Variants in LARS2 observed in about 807,000 individuals in gnomAD.
LARS2 encodes leucyl-tRNA synthetase 2, mitochondrial.
In LARS2, 81 loss-of-function variants were observed where a neutral mutation model predicts 116.6. The observed-to-expected ratio is 0.69, with a 90% confidence interval of 0.58 to 0.84. The LOEUF (loss-of-function observed/expected upper bound fraction) is 0.84. LARS2 is among the 40% of genes least tolerant of loss of function. The pLI is 0.00. For synonymous variants in LARS2, 396 were observed against 407.2 expected, an observed-to-expected ratio of 0.97 and a Z score of 0.33; for missense variants, 968 against 1,114.5, an observed-to-expected ratio of 0.87 and a Z score of 1.87.
intron 20 of LARS2, among the ~76,000 whole-genome samples, chr3:45,535,200 A>G (rs1328527286): frequency 2.6e-5 from 4 of 151,934 alleles, no homozygotes; most frequent in Non-Finnish European, 5.9e-5. Context: ...AAATACAAAA[A>G]CTTAGCCAGG....
intron 4 of LARS2, among the ~76,000 whole-genome samples, chr3:45,400,898 C>A (rs941071733): frequency 3.3e-5 from 5 of 152,030 alleles, no homozygotes; most frequent in Non-Finnish European, 7.4e-5. Context: ...ACTGCAACCT[C>A]CCCCTCCCGG....
chr3:45,491,896 C>G, intron 13 of LARS2, 96 bp downstream of exon 13: 1 of 1,183,064 alleles, frequency 8.5e-7, no homozygotes, highest in Non-Finnish European at 1.2e-6. Flanking sequence ...TAACTCTGCT[C>G]CCTTTTTCCC....
intron 21 of LARS2, 23 bp from the exon 22 acceptor site, chr3:45,547,328 A>G (rs770299078): frequency 3.2e-6 from 5 of 1,586,324 alleles, no homozygotes; most frequent in Non-Finnish European, 4.3e-6. Context: ...CTCATTGTTT[A>G]TCTTGGCTTT....
intron 19 of LARS2, among the ~76,000 whole-genome samples, chr3:45,521,591 A>C (rs894567503): frequency 1.3e-5 from 2 of 152,198 alleles, no homozygotes; most frequent in Non-Finnish European, 1.5e-5. Context: ...ATCCTTGTAA[A>C]GCACTCTTAC....
chr3:45,532,875 C>G (rs992989916), intron 20 of LARS2, among the ~76,000 whole-genome samples: 2 of 152,088 alleles, frequency 1.3e-5, no homozygotes, highest in African/African-American at 4.8e-5. Flanking sequence ...CTCCTGACTT[C>G]AGGTGGTCCG....
Position 45,547,740 on chromosome 3 carries a change from G to T in LARS2, c.*210G>T. ...GGTGAGCTGGGCAAAGGAGAAATATGAGCTACTGAGGAGGGGGTTGGACAT... is the reference window on the plus strand; with the variant it reads ...GGTGAGCTGGGCAAAGGAGAAATATTAGCTACTGAGGAGGGGGTTGGACAT... On this transcript the variant is annotated 3_prime_UTR_variant, in exon 22 of 22. Coordinates refer to ENST00000645846, the MANE Select transcript of LARS2 (RefSeq NM_015340.4). The T allele has an allele frequency of 2.0e-6, 1 of 497,790 alleles. No homozygotes were observed. The highest frequency in any genetic ancestry group is 3.5e-6 in the Non-Finnish European group (1 of 283,916). The allele number at this position is 497,790 out of a possible 1,614,324, so 30.8% of individuals were successfully genotyped here. A position where few individuals can be genotyped will look rare whatever the true frequency, so the allele number is the denominator to read the frequency against.
intron 4 of LARS2, among the ~76,000 whole-genome samples, chr3:45,400,903 T>A (rs1698135634): frequency 6.6e-6 from 1 of 151,808 alleles, no homozygotes; most frequent in Non-Finnish European, 1.5e-5. Flanking sequence ...AACCTCCCCC[T>A]CCCGGGTTCA....
chr3:45,447,859 G>T (rs1318934177), intron 7 of LARS2, among the ~76,000 whole-genome samples: 1 of 152,182 alleles, frequency 6.6e-6, no homozygotes, highest in African/African-American at 2.4e-5. Flanking sequence ...GGGAGATGAG[G>T]CAAGAGCATC....
rs1322452155 is a variant in LARS2, at chr3:45,446,903, T to A, written c.529T>A (p.Cys177Ser). Reference sequence around the variant, plus strand: ...TCTTTGTTGGCAGGAAATAACTACGTGTTTGCCAGATTACTACAAGTGGAC... The same window carrying A: ...TCTTTGTTGGCAGGAAATAACTACGAGTTTGCCAGATTACTACAAGTGGAC... ...CFSWDREITT[C>S]LPDYYKWTQY... Residue 177 changes from cysteine (C) to serine (S), a missense_variant, in exon 7 of 22, where the codon TGT becomes AGT. Physicochemically the swap from Cys to Ser is moderately radical, Grantham distance 112. Transcript: ENST00000645846. The A allele has an allele frequency of 1.1e-5, 17 of 1,607,894 alleles. No individual in the cohort carries two copies. The highest frequency in any genetic ancestry group is 1.4e-5 in the Non-Finnish European group (17 of 1,174,840).
Position 45,547,500 on chromosome 3 carries a change from T to G in LARS2, c.2682T>G (p.Thr894=). ...SIKKSFLSPR[T]ALINFLVQD is the part of the protein sequence containing the mutation. Reference sequence around the variant, plus strand: ...AGAAGTCCTTCCTTTCCCCGAGAACTGCCCTCATCAACTTCCTGGTGCAAG... The same window carrying G: ...AGAAGTCCTTCCTTTCCCCGAGAACGGCCCTCATCAACTTCCTGGTGCAAG... The change falls in exon 22 of 22, where the codon ACT becomes ACG. Residue 894 remains threonine (T), a synonymous_variant. Transcript: ENST00000645846. 6.2e-7 allele frequency: 1 copy of G among 1,608,828 alleles called. No individual in the cohort carries two copies. Among genetic ancestry groups the G allele is most frequent in the Non-Finnish European group, 8.5e-7 (1 of 1,178,348 alleles).
At chr3:45,438,999 G>C (rs1275862514) in intron 6 of LARS2, among the ~76,000 whole-genome samples, 1 of 152,104 alleles carries the variant, frequency 6.6e-6, no homozygotes, top group African/African-American at 2.4e-5. Flanking sequence ...GCTGTACTGA[G>C]TGTCTGATCT....
At chr3:45,416,951 G>A (rs1698432535) in intron 4 of LARS2, among the ~76,000 whole-genome samples, 1 of 151,924 alleles carries the variant, frequency 6.6e-6, no homozygotes, top group Admixed American at 6.6e-5. Context: ...GCGTGTGCCT[G>A]TAGTCCCAGC....
At chr3:45,404,903 C>G (rs1698208160) in intron 4 of LARS2, among the ~76,000 whole-genome samples, 1 of 152,082 alleles carries the variant, frequency 6.6e-6, no homozygotes, top group Non-Finnish European at 1.5e-5. Context: ...TGCTATTTTT[C>G]AAAGCCCATT....
Position 45,547,579 on chromosome 3 carries a change from C to G in LARS2, c.*49C>G. 6.6e-7 allele frequency: 1 copy of G among 1,523,750 alleles called. No homozygotes were observed. 94.4% of individuals were successfully genotyped at this position (1,523,750 alleles called of 1,614,324 possible). A position where few individuals can be genotyped will look rare whatever the true frequency, so the allele number is the denominator to read the frequency against. ...CGAGGGCCTCTGAGGAACCTCCTTC[C>G]AGGCCTGGGATGAGGGGGCGATGTC... is the stretch of plus-strand genomic sequence containing the variant. On this transcript the variant is annotated 3_prime_UTR_variant, in exon 22 of 22. Transcript: ENST00000645846.
At chr3:45,427,862 C>T (rs1698623302) in intron 6 of LARS2, among the ~76,000 whole-genome samples, 1 of 144,136 alleles carries the variant, frequency 6.9e-6, no homozygotes, top group East Asian at 2.0e-4. Context: ...GCTCTTCTTG[C>T]TCAGGCTGGA....
chr3:45,469,433 C>T (rs2125715647), intron 8 of LARS2, among the ~76,000 whole-genome samples: 1 of 152,250 alleles, frequency 6.6e-6, no homozygotes, highest in Admixed American at 6.5e-5. Flanking sequence ...AGAACCTCCG[C>T]CTCCTGGGTT....
chr3:45,430,685 C>T (rs1227793765), intron 6 of LARS2, among the ~76,000 whole-genome samples: 2 of 147,204 alleles, frequency 1.4e-5, no homozygotes, highest in African/African-American at 2.5e-5. Flanking sequence ...CCCGAGTTCA[C>T]GTCATTCTCC....
intron 4 of LARS2, among the ~76,000 whole-genome samples, chr3:45,413,427 A>G (rs1361675092): frequency 6.6e-6 from 1 of 152,250 alleles, no homozygotes; most frequent in Non-Finnish European, 1.5e-5. Context: ...TAGATGTGCC[A>G]CAGACATCAT....
intron 15 of LARS2, among the ~76,000 whole-genome samples, chr3:45,502,555 C>T (rs534430561): frequency 1.3e-5 from 2 of 152,134 alleles, no homozygotes; most frequent in Admixed American, 6.6e-5. Context: ...GGACTACAGG[C>T]GCCCACCAGC....
Sources: allele counts gnomAD v4.1 joint callset (sites outside exome capture counted in the v4.1 genomes callset), GRCh38; gene constraint gnomAD v4.1.1; transcripts MANE v1.5; gene names NCBI Gene and HGNC (gene_info 2026-07-23, HGNC 2026-07-21).